The following PFKFB2 variants were observed in gnomAD, a reference collection of about 807,000 sequenced individuals.
PFKFB2 encodes 6-phosphofructo-2-kinase/fructose-2,6-bisphosphatase 2.
A neutral mutation model predicts 68.0 loss-of-function variants in PFKFB2; 53 were observed. The observed-to-expected ratio is 0.78, with a 90% CI of 0.63 to 0.98. The LOEUF (loss-of-function observed/expected upper bound fraction) is 0.98, where lower values mean the gene tolerates loss of function less well. Among genes scored for constraint, PFKFB2 ranks in the 50% least tolerant of loss-of-function variants. The probability of loss-of-function intolerance (pLI) is 0.00; values close to 1 mark genes in which losing one functional copy is unlikely to be tolerated. For synonymous variants in PFKFB2, 222 were observed against 227.6 expected (o/e 0.98, Z 0.22); for missense variants, 451 against 642.0 (o/e 0.70, Z 3.22).
At chr1:207,039,635 C>T (rs573430493) in intron 1 of PFKFB2, among the ~76,000 whole-genome samples, 93 of 152,190 alleles carry the variant, frequency 6.1e-4, no homozygotes, top group African/African-American at 1.9e-3. Flanking sequence ...TCCAAGATTA[C>T]ATGTTTTAAA....
chr1:207,055,762 C>T (rs140689140), intron 2 of PFKFB2, among the ~76,000 whole-genome samples: 5 of 152,168 alleles, frequency 3.3e-5, no homozygotes, highest in Admixed American at 1.3e-4. Context: ...CCCAGAGCCT[C>T]GACCTTGATG....
At chr1:207,050,647 TC>T (rs1354240878), upstream of PFKFB2, 1 of 1,604,758 alleles carries the variant, frequency 6.2e-7, no homozygotes, top group Non-Finnish European at 8.5e-7. Flanking sequence ...CCCCTCTCCA[TC>T]CTCCCGGGAC....
Position 207,062,629 on chromosome 1 carries a change from T to G in PFKFB2, c.221T>G (p.Leu74Arg). Reference protein sequence around the residue: ...WIGVPTKVFNLGVYRREAVKS... With the variant: ...WIGVPTKVFNRGVYRREAVKS... ...TGGGTGTCTTCTACAGTGTTTAATCTTGGGGTGTATCGGCGTGAAGCAGTC... is the reference window on the plus strand; with the variant it reads ...TGGGTGTCTTCTACAGTGTTTAATCGTGGGGTGTATCGGCGTGAAGCAGTC... Residue 74 changes from leucine to arginine, a missense_variant, in exon 4 of 15, where the codon CTT becomes CGT. Transcript: ENST00000367080. The G allele has an allele frequency of 1.2e-6, 2 of 1,614,040 alleles. No individual in the cohort carries two copies. The highest frequency in any genetic ancestry group is 1.7e-6 in the Non-Finnish European group (2 of 1,179,942).
chr1:207,068,685 A>G (rs1164710413), intron 10 of PFKFB2, among the ~76,000 whole-genome samples: 1 of 152,164 alleles, frequency 6.6e-6, no homozygotes, highest in East Asian at 1.9e-4. Context: ...GCTATTCAGG[A>G]AAAGTTTTTC....
chr1:207,054,253 TA>T (rs1366282128), intron 1 of PFKFB2, among the ~76,000 whole-genome samples: 2 of 152,064 alleles, frequency 1.3e-5, no homozygotes, highest in Non-Finnish European at 2.9e-5. Context: ...AATTTCCTGG[TA>T]ATGTACTTCG....
At position 207,076,720 on chromosome 1, in the gene PFKFB2, TG is replaced by T; in HGVS notation, c.*4350del. The T allele has an allele frequency of 1.1e-6, 1 of 919,760 alleles. No individual in the cohort carries two copies. The highest frequency in any genetic ancestry group is 5.3e-5 in the South Asian group (1 of 18,722). 57.0% of individuals were successfully genotyped at this position (919,760 alleles called of 1,614,324 possible). A position where few individuals can be genotyped will look rare whatever the true frequency, so the allele number is the denominator to read the frequency against. Reference sequence around the variant, plus strand: ...GACCAACTGGTAGACCAGGAGGATCTGTGTGCTGATTGACTCTAGTAGGATC... The same window carrying T: ...GACCAACTGGTAGACCAGGAGGATCTTGTGCTGATTGACTCTAGTAGGATC... On this transcript the variant is annotated 3_prime_UTR_variant, in exon 15 of 15. Transcript: ENST00000367080.
At chr1:207,039,496 T>C (rs1682439385) in intron 1 of PFKFB2, among the ~76,000 whole-genome samples, 2 of 152,250 alleles carry the variant, frequency 1.3e-5, no homozygotes, top group South Asian at 4.1e-4. Flanking sequence ...AAAATATTTA[T>C]GGTTACTTGA....
At chr1:207,052,552 T>G (rs1463258833), upstream of PFKFB2, among the ~76,000 whole-genome samples, 1 of 152,022 alleles carries the variant, frequency 6.6e-6, no homozygotes, top group Non-Finnish European at 1.5e-5. Context: ...TTCTAGATAC[T>G]GGGAGGCAGG....
Position 207,074,689 on chromosome 1 carries a change from G to C in PFKFB2, c.*2318G>C. ...TAGTGTCTTTGTGGAGCTTTGGGCT[G>C]GTAGGGGCAGGGATAGGGGAAAGCT... On this transcript the variant is annotated 3_prime_UTR_variant, in exon 15 of 15. Transcript: ENST00000367080. The C allele has an allele frequency of 2.0e-6, 2 of 985,402 alleles. No individual in the cohort carries two copies. The highest frequency in any genetic ancestry group is 2.4e-6 in the Non-Finnish European group (2 of 829,888). The allele number at this position is 985,402 out of a possible 1,614,324, so 61.0% of individuals were successfully genotyped here.
intron 2 of PFKFB2, among the ~76,000 whole-genome samples, chr1:207,061,524 G>C (rs2247227): frequency 0.076 from 11,484 of 151,954 alleles, 1,440 homozygotes; most frequent in African/African-American, 0.26. Context: ...CTGAACCTTT[G>C]CTCCACAGGT....
At chr1:207,071,788 T>C (rs1683472793) in intron 14 of PFKFB2, among the ~76,000 whole-genome samples, 1 of 152,144 alleles carries the variant, frequency 6.6e-6, no homozygotes, top group South Asian at 2.1e-4. Flanking sequence ...GAATGTTGGC[T>C]CCTGGAAATC....
At position 207,072,373 on chromosome 1, in the gene PFKFB2, C is replaced by T. The variant is rs778828027; in HGVS notation, c.*2C>T. 8.1e-6 allele frequency: 13 copies of T among 1,612,190 alleles called. No individual in the cohort carries two copies. The highest frequency in any genetic ancestry group is 2.7e-5 in the African/African-American group (2 of 74,866). ...GACATGCAAGAAGGGGCCGACTAGC[C>T]GAAGACCCAAGTCAGCATTCCGGTG... On this transcript the variant is annotated 3_prime_UTR_variant, in exon 15 of 15. Coordinates refer to ENST00000367080, the MANE Select transcript of PFKFB2 (RefSeq NM_006212.2).
chr1:207,060,112 C>T (rs1454816749), intron 2 of PFKFB2, among the ~76,000 whole-genome samples: 2 of 152,232 alleles, frequency 1.3e-5, no homozygotes, highest in East Asian at 1.9e-4. Flanking sequence ...CCTTCTCCCA[C>T]CTCTCCTCTG....
In PFKFB2 at chr1:207,060,408, G is replaced by T. The variant is rs1335767797; in HGVS notation, c.86-1545G>T. Among the ~76,000 whole-genome samples, 3 of 152,220 alleles carry T rather than the reference G, an allele frequency of 2.0e-5. No individual in the cohort carries two copies. The East Asian group carries it at 5.8e-4, about 29-fold the overall frequency. On this transcript the variant is annotated intron_variant, in intron 2 of 14. Transcript: ENST00000367080. ...CTTCTCAATTGTCTTGCTTTTACGTGGGCCATGGTGGCAGATTGGCCCTGA... is the reference window on the plus strand; with the variant it reads ...CTTCTCAATTGTCTTGCTTTTACGTTGGCCATGGTGGCAGATTGGCCCTGA...
rs146985955 is a variant in PFKFB2 at position 207,069,020 on chromosome 1, C to T, written c.988-404C>T. 3.5e-4 allele frequency among the ~76,000 whole-genome samples: 53 copies of T among 152,272 alleles called. 2 individuals are homozygous for T. The East Asian group carries it at 9.3e-3, about 27-fold the overall frequency. ...TTGGCCACCCAAAGTGTTGGGATTACAGGCATGAGCCACCGTGCCCGGCCG... is the reference window on the plus strand; with the variant it reads ...TTGGCCACCCAAAGTGTTGGGATTATAGGCATGAGCCACCGTGCCCGGCCG... On this transcript the variant is annotated intron_variant, in intron 10 of 14. Transcript: ENST00000367080.
At chr1:207,077,823 AG>A (rs1683671493), downstream of PFKFB2, 4 of 985,150 alleles carry the variant, frequency 4.1e-6, no homozygotes, top group Non-Finnish European at 4.8e-6. Flanking sequence ...ACCTATCAGA[AG>A]GCTTCTGGGT....
chr1:207,038,508 A>C (rs1682420180), intron 1 of PFKFB2, among the ~76,000 whole-genome samples: 2 of 152,240 alleles, frequency 1.3e-5, no homozygotes, highest in South Asian at 4.1e-4. Context: ...TTCCTTCTGC[A>C]ACATCATGTT....
At chr1:207,041,785 C>G (rs377506848) in intron 1 of PFKFB2, among the ~76,000 whole-genome samples, 6 of 152,302 alleles carry the variant, frequency 3.9e-5, no homozygotes, top group African/African-American at 9.6e-5. Context: ...ATTTCTAGTT[C>G]TAGATCCTTG....
downstream of PFKFB2, chr1:207,079,049 A>C (rs763920578): frequency 3.8e-6 from 6 of 1,577,368 alleles, no homozygotes; most frequent in Non-Finnish European, 5.2e-6. Flanking sequence ...TCACCTCTCC[A>C]AACGACTGGG....
Sources: gnomAD v4.1 joint callset for allele counts (sites outside exome capture counted in the v4.1 genomes callset) on GRCh38, gnomAD v4.1.1 for gene constraint, MANE v1.5 for transcripts, NCBI Gene and HGNC (gene_info 2026-07-23, HGNC 2026-07-21) for gene names.